The following FUT8 variants were observed in gnomAD, a reference collection of about 807,000 sequenced individuals.
FUT8 encodes the protein fucosyltransferase 8, also known as alpha-(1,6)-fucosyltransferase.
FUT8 carries 29 observed loss-of-function variants against 71.3 expected under a neutral mutation model. That is an observed-to-expected ratio of 0.41 (90% CI 0.30 to 0.55). The LOEUF (loss-of-function observed/expected upper bound fraction) is 0.55, where lower values mean the gene tolerates loss of function less well. Ranked by LOEUF, FUT8 falls within the 20% of genes least tolerant of loss-of-function variation. The pLI is 0.34. For synonymous variants in FUT8, 254 were observed against 239.3 expected (o/e 1.06, Z -0.57); for missense variants, 544 against 702.1 (o/e 0.77, Z 2.55).
At chr14:65,628,380 G>A (rs1045826053) in intron 5 of FUT8, among the ~76,000 whole-genome samples, 1 of 152,216 alleles carries the variant, frequency 6.6e-6, no homozygotes, top group African/African-American at 2.4e-5. Flanking sequence ...TGTTGATGTT[G>A]TAACAGGATC....
At chr14:65,702,825 A>AC (rs747382597) in intron 7 of FUT8, among the ~76,000 whole-genome samples, 30 of 151,118 alleles carry the variant, frequency 2.0e-4, no homozygotes, top group Admixed American at 1.3e-3. Flanking sequence ...TGCAACCTCC[A>AC]CCTCCCAGGT....
intron 2 of FUT8, among the ~76,000 whole-genome samples, chr14:65,525,803 C>T (rs1241593851): frequency 1.3e-5 from 2 of 152,142 alleles, no homozygotes; most frequent in African/African-American, 2.4e-5. Context: ...TTATTTCTGC[C>T]TTCATTTCGT....
rs1034520839 is a variant in FUT8 at position 65,638,183 on chromosome 14, C to T, written c.597+8577C>T. The stretch of plus-strand genomic sequence containing the variant: ...CTACAGTTGTTCCTGTGAACATTGT[C>T]CTTCTCCCAAGACCCTCCGTCTCTA... On this transcript the variant is annotated intron_variant, in intron 6 of 10. Transcript: ENST00000673929. This position sits in a 1 kb window ranked among gnomAD's most constrained non-coding sequence, Gnocchi z 4.5. Among the ~76,000 whole-genome samples, 1 of 152,168 alleles carries T rather than the reference C, an allele frequency of 6.6e-6. No individual in the cohort carries two copies. Among genetic ancestry groups the T allele is most frequent in the African/African-American group, 2.4e-5 (1 of 41,440 alleles).
intron 7 of FUT8, among the ~76,000 whole-genome samples, chr14:65,676,599 C>A (rs1023955750): frequency 6.6e-6 from 1 of 151,160 alleles, no homozygotes; most frequent in African/African-American, 2.4e-5. Context: ...AGTCACCCCC[C>A]ACCCCTCCTT....
intron 7 of FUT8, among the ~76,000 whole-genome samples, chr14:65,692,510 C>A (rs1454245370): frequency 3.6e-4 from 3 of 8,338 alleles, no homozygotes; most frequent in Admixed American, 1.2e-3. Context: ...GGGGGCTGAC[C>A]CCCCCCCCAC....
intron 9 of FUT8, among the ~76,000 whole-genome samples, chr14:65,731,239 TC>T (rs1484438437): frequency 6.6e-6 from 1 of 152,210 alleles, no homozygotes; most frequent in Non-Finnish European, 1.5e-5. Flanking sequence ...TAGATACGTC[TC>T]CTGAAGGAGT....
At chr14:65,673,595 A>T (rs1892574708) in intron 7 of FUT8, among the ~76,000 whole-genome samples, 1 of 152,246 alleles carries the variant, frequency 6.6e-6, no homozygotes, top group African/African-American at 2.4e-5. Flanking sequence ...CAGTGGGCAC[A>T]ACATGTAAAA....
At chr14:65,690,414 TAAAGTAAC>T (rs1893516731) in intron 7 of FUT8, among the ~76,000 whole-genome samples, 1 of 152,224 alleles carries the variant, frequency 6.6e-6, no homozygotes, top group East Asian at 1.9e-4. Context: ...TTGATAGCCA[TAAAGTAAC>T]TTGTCAGGAT....
chr14:65,742,676 GC>G lies in FUT8; in HGVS notation c.*270del, dbSNP rs1181577892. The G allele has an allele frequency of 5.5e-6, 2 of 362,866 alleles. No individual in the cohort carries two copies. Among genetic ancestry groups the G allele is most frequent in the Non-Finnish European group, 1.0e-5 (2 of 198,258 alleles). 22.5% of individuals were successfully genotyped at this position (362,866 alleles called of 1,614,324 possible). A position where few individuals can be genotyped will look rare whatever the true frequency, so the allele number is the denominator to read the frequency against. The stretch of plus-strand genomic sequence containing the variant: ...ATGCAAACAGGTTGTTTTCTACTTT[GC>G]CCCTTTCAGTATGTCCCCATAAGAC... On this transcript the variant is annotated 3_prime_UTR_variant, in exon 11 of 11. Transcript: ENST00000673929.
rs867875741 is a variant in FUT8, at chr14:65,607,337, A to G, written c.204-8641A>G. 3.9e-5 allele frequency among the ~76,000 whole-genome samples: 6 copies of G among 152,020 alleles called. No individual in the cohort carries two copies. The South Asian group carries it at 1.3e-3, about 32-fold the overall frequency. On this transcript the variant is annotated intron_variant, in intron 3 of 10. Transcript: ENST00000673929. This position sits in a 1 kb window ranked among gnomAD's most constrained non-coding sequence, Gnocchi z 4.1. ...ATGTGATATTTATTATGAATTTCTAATATTCCTTACTGAATTAAAGAGTTT... is the reference window on the plus strand; with the variant it reads ...ATGTGATATTTATTATGAATTTCTAGTATTCCTTACTGAATTAAAGAGTTT...
intron 2 of FUT8, among the ~76,000 whole-genome samples, chr14:65,523,373 T>G (rs1392563050): frequency 6.6e-6 from 1 of 152,260 alleles, no homozygotes; most frequent in African/African-American, 2.4e-5. Context: ...AAATGTCTTC[T>G]TATGAGAAGT....
At chr14:65,502,744 C>T (rs2139776956) in intron 2 of FUT8, among the ~76,000 whole-genome samples, 1 of 152,274 alleles carries the variant, frequency 6.6e-6, no homozygotes, top group South Asian at 2.1e-4. Flanking sequence ...TGGTAACCAA[C>T]CTCTGAAAAG....
At chr14:65,488,536 G>A (rs1027125489) in intron 2 of FUT8, 2 of 152,170 alleles carry the variant, frequency 1.3e-5, no homozygotes, top group African/African-American at 4.8e-5. Context: ...ATTGTTTTCT[G>A]TGCTCCATGT....
At chr14:65,432,062 A>C (rs1310834123) in intron 1 of FUT8, among the ~76,000 whole-genome samples, 1 of 152,156 alleles carries the variant, frequency 6.6e-6, no homozygotes, top group Non-Finnish European at 1.5e-5. Flanking sequence ...CCAAATGGGG[A>C]TTCTTCAGTC....
At chr14:65,451,808 G>A (rs1326434814) in intron 1 of FUT8, among the ~76,000 whole-genome samples, 2 of 152,140 alleles carry the variant, frequency 1.3e-5, no homozygotes, top group African/African-American at 2.4e-5. Context: ...CTGAAGTCAA[G>A]CCACCTCTCT....
At chr14:65,446,117 T>A (rs530339819) in intron 1 of FUT8, among the ~76,000 whole-genome samples, 99 of 152,342 alleles carry the variant, frequency 6.5e-4, no homozygotes, top group Non-Finnish European at 1.1e-3. Context: ...ATATGTATAT[T>A]TTGAATTTGA....
chr14:65,445,729 A>G (rs1195944744), intron 1 of FUT8, among the ~76,000 whole-genome samples: 3 of 152,236 alleles, frequency 2.0e-5, no homozygotes, highest in Admixed American at 6.5e-5. Flanking sequence ...TGTTTTCTCT[A>G]TTAGATTTTT....
intron 10 of FUT8, among the ~76,000 whole-genome samples, chr14:65,733,618 G>A (rs1237755948): frequency 1.7e-4 from 26 of 152,234 alleles, no homozygotes; most frequent in Non-Finnish European, 2.9e-5. Flanking sequence ...CTCCACTGAA[G>A]CCAGTTACTG....
intron 3 of FUT8, among the ~76,000 whole-genome samples, chr14:65,594,856 AGTCTGGG>A (rs1162782184): frequency 6.6e-6 from 1 of 151,868 alleles, no homozygotes; most frequent in Admixed American, 6.6e-5. Context: ...CTGCCGGCTG[AGTCTGGG>A]GTCTTTATAG....
Sources: allele counts gnomAD v4.1 joint callset (sites outside exome capture counted in the v4.1 genomes callset), GRCh38; gene constraint gnomAD v4.1.1; non-coding constraint Gnocchi (gnomAD v3.1); transcripts MANE v1.5; gene names NCBI Gene and HGNC (gene_info 2026-07-23, HGNC 2026-07-21).